Variants in SLC30A9 observed in about 807,000 individuals in gnomAD.
The protein encoded by SLC30A9 is proton-coupled zinc antiporter SLC30A9, mitochondrial.
A neutral mutation model predicts 87.5 loss-of-function variants in SLC30A9; 58 were observed. The observed-to-expected ratio is 0.66, with a 90% CI of 0.54 to 0.82. SLC30A9 has a LOEUF of 0.82. Ranked by LOEUF, SLC30A9 falls within the 40% of genes least tolerant of loss-of-function variation. The pLI, the probability that SLC30A9 is intolerant of heterozygous loss-of-function variation, is 0.00. For missense variants in SLC30A9, 557 were observed against 679.1 expected, an observed-to-expected ratio of 0.82 and a Z score of 2.00; for synonymous variants, 234 against 233.0, an observed-to-expected ratio of 1.00 and a Z score of -0.04.
chr4:42,063,009 A>G lies in SLC30A9; in HGVS notation c.920A>G (p.Tyr307Cys), dbSNP rs903490813. 11 of 1,613,178 alleles carry G rather than the reference A, an allele frequency of 6.8e-6. No individual in the cohort carries two copies. The highest frequency in any genetic ancestry group is 1.1e-5 in the South Asian group (1 of 90,970). The change falls in exon 11 of 18, where the codon TAT (tyrosine) becomes TGT (cysteine). Residue 307 changes from tyrosine (Y) to cysteine (C), a missense_variant. Transcript: ENST00000264451. The stretch of plus-strand genomic sequence containing the variant: ...AGGTACGGATTTTCAAATATGCGCT[A>G]TATTTCTTCGCTAATTAGTGGTGTT... ...SHPYGFSNMR[Y>C]ISSLISGVGI...
At chr4:42,052,470 A>C (rs1469064286) in intron 9 of SLC30A9, among the ~76,000 whole-genome samples, 1 of 152,248 alleles carries the variant, frequency 6.6e-6, no homozygotes, top group African/African-American at 2.4e-5. Flanking sequence ...TCTTGAAACA[A>C]GAAATTTGGA....
In SLC30A9 at chr4:42,065,898, C is replaced by G. The variant is rs1232032669; in HGVS notation, c.1072+549C>G. ...TTTTTGAGTATCATACCATAATACTCAAAACATTTGAAATGGAGTATAAAA... is the reference window on the plus strand; with the variant it reads ...TTTTTGAGTATCATACCATAATACTGAAAACATTTGAAATGGAGTATAAAA... On this transcript the variant is annotated intron_variant, in intron 12 of 17. Coordinates refer to ENST00000264451, the MANE Select transcript of SLC30A9 (RefSeq NM_006345.4). 2.0e-5 allele frequency among the ~76,000 whole-genome samples: 3 copies of G among 151,946 alleles called. No homozygotes were observed. In the South Asian group the frequency reaches 6.3e-4, roughly 32 times the overall value.
intron 14 of SLC30A9, among the ~76,000 whole-genome samples, chr4:42,068,093 T>C (rs1018220436): frequency 6.6e-6 from 1 of 152,192 alleles, no homozygotes; most frequent in Non-Finnish European, 1.5e-5. Context: ...TCACCAAAAA[T>C]TGGGTAAATA....
intron 17 of SLC30A9, among the ~76,000 whole-genome samples, chr4:42,085,528 T>C (rs1013743364): frequency 6.6e-6 from 1 of 152,204 alleles, no homozygotes; most frequent in Non-Finnish European, 1.5e-5. Context: ...CATGAGTGAG[T>C]AAGCAATAAA....
chr4:42,049,392 C>T lies in SLC30A9; in HGVS notation c.753C>T (p.Cys251=), dbSNP rs1717297315. 5.0e-6 allele frequency: 8 copies of T among 1,609,460 alleles called. No individual in the cohort carries two copies. Among genetic ancestry groups the T allele is most frequent in the Admixed American group, 1.7e-5 (1 of 59,716 alleles). Residue 251 remains cysteine, a synonymous_variant, in exon 9 of 18, where the codon TGC becomes TGT. Coordinates refer to ENST00000264451, the MANE Select transcript of SLC30A9 (RefSeq NM_006345.4). ...TCTCTTCTAGCAATGGATTAAACTGCTTCTTTAAATTTCTTGCCTGGATTT... is the reference window on the plus strand; with the variant it reads ...TCTCTTCTAGCAATGGATTAAACTGTTTCTTTAAATTTCTTGCCTGGATTT... The part of the protein sequence containing the change: ...MVAICINGLN[C]FFKFLAWIYT...
At chr4:42,065,379 T>G (rs1486986344) in intron 12 of SLC30A9, 30 bp downstream of exon 12, 2 of 1,171,108 alleles carry the variant, frequency 1.7e-6, no homozygotes, top group Non-Finnish European at 2.6e-6. Flanking sequence ...ATGTCTCTAT[T>G]CTTAATTTAG....
chr4:42,003,693 ATATAGT>A lies in SLC30A9; in HGVS notation c.274+1916_274+1921del, dbSNP rs542703879. Among the ~76,000 whole-genome samples, 14 of 152,284 alleles carry A rather than the reference ATATAGT, an allele frequency of 9.2e-5. No individual in the cohort carries two copies. The South Asian group carries it at 2.7e-3, about 29-fold the overall frequency. ...CAGTGTGCATTTACTGTAATCACTGATATAGTTAAACATATTTCTACCATTTTATCA... is the reference window on the plus strand; with the variant it reads ...CAGTGTGCATTTACTGTAATCACTGATAAACATATTTCTACCATTTTATCA... On this transcript the variant is annotated intron_variant, in intron 2 of 17. Coordinates refer to ENST00000264451, the MANE Select transcript of SLC30A9 (RefSeq NM_006345.4).
rs538526795 is a variant in SLC30A9 at position 41,991,422 on chromosome 4, A to T, written c.109+662A>T. ...GAAGAGAATTTTCGTCTCTCTCAAC[A>T]TTCTTTTCTGACTCAAATTTAAATG... On this transcript the variant is annotated intron_variant, in intron 1 of 17. Transcript: ENST00000264451. 2.0e-5 allele frequency among the ~76,000 whole-genome samples: 3 copies of T among 152,372 alleles called. No homozygotes were observed. The South Asian group carries it at 6.2e-4, about 32-fold the overall frequency.
At chr4:42,065,544 G>T (rs553909370) in intron 12 of SLC30A9, among the ~76,000 whole-genome samples, 195 bp downstream of exon 12, 4 of 152,290 alleles carry the variant, frequency 2.6e-5, no homozygotes, top group Admixed American at 2.0e-4. Flanking sequence ...TAGCTGTGGG[G>T]GGGTGTGTAA....
chr4:42,036,818 C>T (rs929109512), intron 7 of SLC30A9, among the ~76,000 whole-genome samples: 8 of 152,188 alleles, frequency 5.3e-5, no homozygotes, highest in African/African-American at 1.4e-4. Context: ...GTAGAGCCTT[C>T]ATATGTCTTA....
intron 15 of SLC30A9, among the ~76,000 whole-genome samples, chr4:42,072,746 G>A (rs1345175348): frequency 1.3e-5 from 2 of 148,878 alleles, no homozygotes; most frequent in Non-Finnish European, 3.0e-5. Context: ...GTAGATGTTT[G>A]TTAGGTTTAA....
chr4:42,075,682 G>T lies in SLC30A9; in HGVS notation c.1444G>T (p.Asp482Tyr). Residue 482 changes from aspartate to tyrosine, a missense_variant, in exon 16 of 18, where the codon GAT becomes TAT. Asp to Tyr is a radical substitution (Grantham distance 160). This residue lies in a region of SLC30A9 where 90 missense variants were observed against 149.4 expected (regional missense o/e 0.60). Transcript: ENST00000264451. ...VRAIHDVKAT[D>Y]LGLGKVRFKA... is the part of the protein sequence containing the mutation. ...GGCAATTCATGATGTTAAAGCCACA[G>T]ATCTGGGATTAGGTAAAGTAAGATT... The T allele has an allele frequency of 1.2e-6, 2 of 1,613,692 alleles. No individual in the cohort carries two copies. The highest frequency in any genetic ancestry group is 2.7e-5 in the African/African-American group (2 of 75,056).
At chr4:42,049,234 GGCATTATA>G (rs1717288466) in intron 8 of SLC30A9, 135 bp from the exon 9 acceptor site, 1 of 499,928 alleles carries the variant, frequency 2.0e-6, no homozygotes. Flanking sequence ...CCAAAATGTT[GGCATTATA>G]GGTGTGAGCC....
chr4:42,038,502 C>G (rs1716781688), intron 7 of SLC30A9, among the ~76,000 whole-genome samples: 1 of 152,094 alleles, frequency 6.6e-6, no homozygotes, highest in Non-Finnish European at 1.5e-5. Context: ...TGTTTGTTAT[C>G]AATAAACAGT....
chr4:42,014,060 G>A (rs1271183585), intron 2 of SLC30A9, among the ~76,000 whole-genome samples: 3 of 152,158 alleles, frequency 2.0e-5, no homozygotes, highest in African/African-American at 7.2e-5. Flanking sequence ...TGATTAAAAT[G>A]TGGACAAAAT....
chr4:42,065,409 C>A, intron 12 of SLC30A9, 60 bp downstream of exon 12: 1 of 917,646 alleles, frequency 1.1e-6, no homozygotes, highest in South Asian at 1.4e-5. Flanking sequence ...TTCAGCTGTC[C>A]ATTATTATAG....
rs190420998 is a variant in SLC30A9 at position 42,061,980 on chromosome 4, A to T, written c.897-1006A>T. ...GAGGCCGAGGAAGGCAGATCACCTG[A>T]GGTTGAGAGTTCGAGACCAGCCTGA... On this transcript the variant is annotated intron_variant, in intron 10 of 17. Transcript: ENST00000264451. 6.4e-3 allele frequency among the ~76,000 whole-genome samples: 967 copies of T among 151,840 alleles called. 15 individuals carry two copies. Among genetic ancestry groups the T allele is most frequent in the African/African-American group, 0.022 (930 of 41,380 alleles).
intron 1 of SLC30A9, among the ~76,000 whole-genome samples, chr4:41,998,688 ACTC>A: frequency 6.6e-6 from 1 of 151,602 alleles, no homozygotes; most frequent in Middle Eastern, 3.4e-3. Context: ...CTGATCTCGA[ACTC>A]CTGACCTCGT....
intron 15 of SLC30A9, 119 bp from the exon 16 acceptor site, chr4:42,075,538 C>A: frequency 1.2e-6 from 1 of 862,896 alleles, no homozygotes; most frequent in Non-Finnish European, 1.8e-6. Context: ...CTGAAGCCAT[C>A]TTAGTCCATT....
Sources: allele counts gnomAD v4.1 joint callset (sites outside exome capture counted in the v4.1 genomes callset), GRCh38; gene constraint gnomAD v4.1.1; regional missense constraint gnomAD v4.1.1; transcripts MANE v1.5; gene names NCBI Gene and HGNC (gene_info 2026-07-23, HGNC 2026-07-21).